GPR158: variants seen among roughly 807,000 people sequenced by gnomAD.
GPR158 encodes metabotropic glycine receptor.
Under a neutral mutation model 78.2 loss-of-function variants are expected in GPR158, and 30 were observed. The observed-to-expected ratio is 0.38, with a 90% CI of 0.29 to 0.52. The LOEUF is 0.52. Ranked by LOEUF, GPR158 falls within the 20% of genes least tolerant of loss-of-function variation. The pLI, the probability that GPR158 is intolerant of heterozygous loss-of-function variation, is 0.83. For synonymous variants in GPR158, 581 were observed against 591.1 expected, an observed-to-expected ratio of 0.98 and a Z score of 0.25; for missense variants, 1,463 against 1,523.5, an observed-to-expected ratio of 0.96 and a Z score of 0.66.
chr10:25,494,703 A>G (rs1835855476), intron 5 of GPR158, among the ~76,000 whole-genome samples: 1 of 152,044 alleles, frequency 6.6e-6, no homozygotes, highest in Non-Finnish European at 1.5e-5. Context: ...GCGATTTTAA[A>G]CCACTCCACA....
chr10:25,312,177 T>C (rs1288844602), intron 2 of GPR158, among the ~76,000 whole-genome samples: 1 of 152,064 alleles, frequency 6.6e-6, no homozygotes, highest in African/African-American at 2.4e-5. Flanking sequence ...TCTGAAACCA[T>C]TTCAGAGGAC....
intron 5 of GPR158, among the ~76,000 whole-genome samples, chr10:25,527,141 A>C (rs1418724002): frequency 2.0e-5 from 3 of 152,240 alleles, no homozygotes; most frequent in African/African-American, 7.2e-5. Context: ...AAATGCATAA[A>C]GGAAAAGATA....
intron 5 of GPR158, among the ~76,000 whole-genome samples, chr10:25,478,619 C>T (rs1409532389): frequency 1.3e-5 from 2 of 151,400 alleles, no homozygotes. Context: ...TTAACAAAAC[C>T]CAGATATTAC....
chr10:25,234,341 G>A (rs751871449), intron 2 of GPR158, among the ~76,000 whole-genome samples: 12 of 152,184 alleles, frequency 7.9e-5, no homozygotes, highest in Non-Finnish European at 1.8e-4. Context: ...GATGACACAA[G>A]CACAGTAATC....
chr10:25,370,129 C>T (rs1056112724), intron 2 of GPR158, among the ~76,000 whole-genome samples: 13 of 89,516 alleles, frequency 1.5e-4, no homozygotes, highest in Non-Finnish European at 3.0e-4. Context: ...CTCCTGGATT[C>T]GTTAATTTTT....
chr10:25,387,516 A>ATTTTTTTTT lies in GPR158; in HGVS notation c.1009-8386_1009-8378dup, dbSNP rs57404980. On this transcript the variant is annotated intron_variant, in intron 2 of 10. Coordinates refer to ENST00000376351, the MANE Select transcript of GPR158 (RefSeq NM_020752.3). ...TTTGGGAATGTTCCTTTCTCTTCAAATTTTTTTTTTTTTTTTTGAGACAGG... is the reference window on the plus strand; with the variant it reads ...TTTGGGAATGTTCCTTTCTCTTCAAATTTTTTTTTTTTTTTTTTTTTTTTTTGAGACAGG... Among the ~76,000 whole-genome samples, 436 of 140,446 alleles carry ATTTTTTTTT rather than the reference A, an allele frequency of 3.1e-3. 2 individuals are homozygous for ATTTTTTTTT. The highest frequency in any genetic ancestry group is 0.011 in the African/African-American group (399 of 36,354). The allele number at this position is 140,446 out of a possible 152,430, so 92.1% of individuals were successfully genotyped here. A position where few individuals can be genotyped will look rare whatever the true frequency, so the allele number is the denominator to read the frequency against.
At chr10:25,417,849 G>A (rs1329266) in intron 4 of GPR158, among the ~76,000 whole-genome samples, 106,318 of 151,998 alleles carry the variant, frequency 0.7, 38,202 homozygotes, top group Non-Finnish European at 0.8. Flanking sequence ...CTTTTTCTCT[G>A]CTTCCTCTTT....
At chr10:25,492,063 C>T (rs1009320435) in intron 5 of GPR158, among the ~76,000 whole-genome samples, 2 of 152,138 alleles carry the variant, frequency 1.3e-5, no homozygotes, top group African/African-American at 2.4e-5. Context: ...AGGTTTCAGG[C>T]TGCTTCCACT....
chr10:25,582,854 TGAG>T (rs1837221135), intron 7 of GPR158, among the ~76,000 whole-genome samples: 1 of 152,218 alleles, frequency 6.6e-6, no homozygotes, highest in African/African-American at 2.4e-5. Flanking sequence ...AAATTACTTC[TGAG>T]GAGAGCTCCT....
chr10:25,442,955 G>A (rs1344888467), intron 4 of GPR158, among the ~76,000 whole-genome samples: 2 of 152,008 alleles, frequency 1.3e-5, no homozygotes, highest in South Asian at 4.1e-4. Flanking sequence ...CCTTCTCTTC[G>A]AAAGCCTTTG....
At chr10:25,235,426 CT>C (rs148749730) in intron 2 of GPR158, among the ~76,000 whole-genome samples, 29,534 of 137,594 alleles carry the variant, frequency 0.21, 4,290 homozygotes, top group African/African-American at 0.43. Flanking sequence ...TCTCTTCTTC[CT>C]TTTTTTTTTT....
At chr10:25,421,447 G>A (rs1834750050) in intron 4 of GPR158, among the ~76,000 whole-genome samples, 2 of 152,166 alleles carry the variant, frequency 1.3e-5, no homozygotes, top group African/African-American at 2.4e-5. Flanking sequence ...GCCAAGACCT[G>A]TAGCATTTCT....
chr10:25,193,885 TAAAAA>T lies in GPR158; in HGVS notation c.902+17576_902+17580del, dbSNP rs111919496. On this transcript the variant is annotated intron_variant, in intron 1 of 10. Transcript: ENST00000376351. ...CTGAAATATTTGAAAGGTAAAGGGG[TAAAAA>T]AAAAAAAAAAAAGAAAATTCAGAAT... 7.5e-3 allele frequency among the ~76,000 whole-genome samples: 869 copies of T among 115,680 alleles called. 15 individuals are homozygous for T. The highest frequency in any genetic ancestry group is 0.024 in the African/African-American group (829 of 34,992). 75.9% of individuals were successfully genotyped at this position (115,680 alleles called of 152,430 possible).
chr10:25,267,941 A>G (rs2130739833), intron 2 of GPR158, among the ~76,000 whole-genome samples: 1 of 152,266 alleles, frequency 6.6e-6, no homozygotes, highest in East Asian at 1.9e-4. Context: ...GTTTTCTTTC[A>G]GTTGTTACTC....
At chr10:25,391,863 T>C (rs1834303059) in intron 2 of GPR158, among the ~76,000 whole-genome samples, 1 of 152,140 alleles carries the variant, frequency 6.6e-6, no homozygotes, top group Non-Finnish European at 1.5e-5. Context: ...CTTGAATTGT[T>C]CCTATCCTAA....
chr10:25,394,794 A>G (rs1834346593), intron 2 of GPR158, among the ~76,000 whole-genome samples: 1 of 152,146 alleles, frequency 6.6e-6, no homozygotes, highest in Non-Finnish European at 1.5e-5. Context: ...ACAAATACTT[A>G]TCTAATTGCT....
At chr10:25,490,541 T>C (rs1177521533) in intron 5 of GPR158, among the ~76,000 whole-genome samples, 1 of 143,696 alleles carries the variant, frequency 7.0e-6, no homozygotes, top group African/African-American at 2.6e-5. Context: ...GAATATGCGG[T>C]GTTTGGTTTT....
chr10:25,292,150 T>A (rs1854447702), intron 2 of GPR158, among the ~76,000 whole-genome samples: 1 of 151,938 alleles, frequency 6.6e-6, no homozygotes, highest in African/African-American at 2.4e-5. Flanking sequence ...AAACTACTTA[T>A]GTATCAATTG....
chr10:25,558,307 C>T (rs966461733), intron 6 of GPR158, among the ~76,000 whole-genome samples: 6 of 152,310 alleles, frequency 3.9e-5, no homozygotes, highest in African/African-American at 1.2e-4. Context: ...CAGACTATAG[C>T]TGATAAACAC....
Sources: gnomAD v4.1 joint callset for allele counts (sites outside exome capture counted in the v4.1 genomes callset) on GRCh38, gnomAD v4.1.1 for gene constraint, MANE v1.5 for transcripts, NCBI Gene and HGNC (gene_info 2026-07-23, HGNC 2026-07-21) for gene names.